The following MEMO1 variants were observed in gnomAD, a reference collection of about 807,000 sequenced individuals.
MEMO1 encodes the protein protein MEMO1.
MEMO1 carries 6 observed loss-of-function variants against 45.2 expected under a neutral mutation model. That is an observed-to-expected ratio of 0.13 (90% CI 0.07 to 0.26). The LOEUF (loss-of-function observed/expected upper bound fraction) is 0.26, where lower values mean the gene tolerates loss of function less well. Ranked by LOEUF, MEMO1 falls within the 10% of genes least tolerant of loss-of-function variation. The pLI is 1.00. For missense variants in MEMO1, 184 were observed against 370.5 expected, an observed-to-expected ratio of 0.50 and a Z score of 4.13; for synonymous variants, 78 against 124.3, an observed-to-expected ratio of 0.63 and a Z score of 2.48.
intron 7 of MEMO1, among the ~76,000 whole-genome samples, chr2:31,885,042 T>A (rs1457888918): frequency 1.3e-5 from 2 of 152,252 alleles, no homozygotes; most frequent in African/African-American, 2.4e-5. Context: ...GCTTTATTTT[T>A]CTGTAAAGAA....
intron 2 of MEMO1, among the ~76,000 whole-genome samples, chr2:31,955,030 C>G (rs1270242835): frequency 6.6e-6 from 1 of 151,830 alleles, no homozygotes; most frequent in Non-Finnish European, 1.5e-5. Context: ...CACTTGAGCT[C>G]AGGAGTTCAA....
intron 4 of MEMO1, among the ~76,000 whole-genome samples, chr2:31,929,977 G>T (rs139994001): frequency 6.6e-6 from 1 of 152,128 alleles, no homozygotes; most frequent in African/African-American, 2.4e-5. Context: ...TAATTTGATC[G>T]GGCTGGGCAC....
intron 2 of MEMO1, among the ~76,000 whole-genome samples, chr2:31,995,971 A>G (rs1672545373): frequency 6.6e-6 from 1 of 152,218 alleles, no homozygotes; most frequent in Admixed American, 6.5e-5. Flanking sequence ...CAAAATTTAT[A>G]AAGTGCTACA....
intron 2 of MEMO1, among the ~76,000 whole-genome samples, chr2:31,965,919 C>T (rs899000429): frequency 6.6e-6 from 1 of 152,036 alleles, no homozygotes; most frequent in African/African-American, 2.4e-5. Flanking sequence ...CCATGGCATA[C>T]GTTTACAACA....
chr2:31,933,319 A>T (rs1448509965), intron 3 of MEMO1, among the ~76,000 whole-genome samples: 1 of 21,948 alleles, frequency 4.6e-5, no homozygotes, highest in African/African-American at 3.0e-4. Context: ...CACCTCTTTA[A>T]AAAAAAAAAA....
At chr2:31,965,401 G>A (rs1490467860) in intron 2 of MEMO1, among the ~76,000 whole-genome samples, 1 of 152,088 alleles carries the variant, frequency 6.6e-6, no homozygotes, top group South Asian at 2.1e-4. Flanking sequence ...CAACTATAAA[G>A]GGGTACAGAT....
chr2:31,937,523 G>A (rs1312741231), intron 3 of MEMO1, among the ~76,000 whole-genome samples: 4 of 152,170 alleles, frequency 2.6e-5, no homozygotes, highest in African/African-American at 9.6e-5. Flanking sequence ...GTAGAGCACT[G>A]TACAGGTATG....
intron 6 of MEMO1, among the ~76,000 whole-genome samples, chr2:31,916,589 T>C (rs1681479133): frequency 6.6e-6 from 1 of 152,186 alleles, no homozygotes; most frequent in South Asian, 2.1e-4. Flanking sequence ...AACATCTCAG[T>C]GAATAACAAT....
At chr2:31,971,152 A>G (rs558778980) in intron 2 of MEMO1, among the ~76,000 whole-genome samples, 1 of 152,312 alleles carries the variant, frequency 6.6e-6, no homozygotes, top group South Asian at 2.1e-4. Flanking sequence ...ATCTCTTACC[A>G]TCTGCAGGAT....
At chr2:31,995,260 T>C (rs1475954586) in intron 2 of MEMO1, among the ~76,000 whole-genome samples, 3 of 152,008 alleles carry the variant, frequency 2.0e-5, no homozygotes, top group Admixed American at 6.6e-5. Context: ...AGGACCAGCC[T>C]GGCCAATATG....
At chr2:31,877,635 A>T (rs1674744280) in intron 8 of MEMO1, among the ~76,000 whole-genome samples, 1 of 152,222 alleles carries the variant, frequency 6.6e-6, no homozygotes, top group Non-Finnish European at 1.5e-5. Context: ...CCATTTTGGA[A>T]AATCAAGTCA....
intron 2 of MEMO1, among the ~76,000 whole-genome samples, chr2:31,988,539 C>T (rs1671555835): frequency 6.6e-6 from 1 of 152,054 alleles, no homozygotes; most frequent in Non-Finnish European, 1.5e-5. Context: ...AAGCAAGACT[C>T]TGTCTCGAAA....
intron 4 of MEMO1, among the ~76,000 whole-genome samples, chr2:31,921,364 A>G (rs955187351): frequency 6.6e-6 from 1 of 152,214 alleles, no homozygotes; most frequent in Non-Finnish European, 1.5e-5. Context: ...AGCCCTAGCA[A>G]ACTAATACAC....
chr2:31,917,399 T>C (rs1225379334), intron 6 of MEMO1, among the ~76,000 whole-genome samples: 2 of 152,094 alleles, frequency 1.3e-5, no homozygotes, highest in Non-Finnish European at 1.5e-5. Context: ...GAGAACAAAA[T>C]AGATATTGTC....
intron 2 of MEMO1, among the ~76,000 whole-genome samples, chr2:31,990,649 T>C (rs993045576): frequency 5.3e-5 from 8 of 151,266 alleles, no homozygotes; most frequent in Non-Finnish European, 7.4e-5. Context: ...GCTCAAGTGA[T>C]CTGCCCACTC....
At chr2:32,007,964 A>G (rs1674310683) in intron 2 of MEMO1, among the ~76,000 whole-genome samples, 1 of 152,214 alleles carries the variant, frequency 6.6e-6, no homozygotes, top group South Asian at 2.1e-4. Flanking sequence ...AAATTGTCAC[A>G]TATCTGGCCT....
intron 6 of MEMO1, among the ~76,000 whole-genome samples, chr2:31,905,478 A>G (rs1572633432): frequency 6.6e-6 from 1 of 152,200 alleles, no homozygotes; most frequent in Admixed American, 6.5e-5. Context: ...TTTTTCTAAG[A>G]AAGGGCATAC....
intron 6 of MEMO1, among the ~76,000 whole-genome samples, chr2:31,909,539 G>A (rs1365872315): frequency 6.6e-6 from 1 of 151,902 alleles, no homozygotes; most frequent in East Asian, 1.9e-4. Context: ...AAATACCTAG[G>A]AATAAATTTA....
intron 2 of MEMO1, among the ~76,000 whole-genome samples, chr2:31,999,324 C>A (rs1419593647): frequency 6.6e-6 from 1 of 152,106 alleles, no homozygotes; most frequent in East Asian, 1.9e-4. Flanking sequence ...TTAGATCATG[C>A]CATCAACTGC....
Sources: allele counts gnomAD v4.1 joint callset (sites outside exome capture counted in the v4.1 genomes callset), GRCh38; gene constraint gnomAD v4.1.1; transcripts MANE v1.5; gene names NCBI Gene and HGNC (gene_info 2026-07-23, HGNC 2026-07-21).